Variants in FRAS1 observed in about 807,000 individuals in gnomAD.
The protein encoded by FRAS1 is Fraser extracellular matrix complex subunit 1.
In FRAS1, 290 loss-of-function variants were observed where a neutral mutation model predicts 435.2. The observed-to-expected ratio is 0.67, with a 90% CI of 0.61 to 0.73. The LOEUF (loss-of-function observed/expected upper bound fraction) is 0.73, where lower values mean the gene tolerates loss of function less well. FRAS1 is among the 30% of genes least tolerant of loss of function. The pLI is 0.00. For missense variants in FRAS1, 4,860 were observed against 5,001.5 expected, an observed-to-expected ratio of 0.97 and a Z score of 0.85; for synonymous variants, 1,800 against 1,851.0, an observed-to-expected ratio of 0.97 and a Z score of 0.71.
chr4:78,399,435 G>A (rs1044431726), intron 29 of FRAS1, among the ~76,000 whole-genome samples: 1 of 152,164 alleles, frequency 6.6e-6, no homozygotes, highest in African/African-American at 2.4e-5. Flanking sequence ...TAAAATATCA[G>A]ACTTGTTAAT....
At chr4:78,338,755 T>C (rs1730278268) in intron 20 of FRAS1, among the ~76,000 whole-genome samples, 1 of 152,134 alleles carries the variant, frequency 6.6e-6, no homozygotes, top group South Asian at 2.1e-4. Flanking sequence ...GCACATTCAG[T>C]CTGGGATGGC....
intron 2 of FRAS1, among the ~76,000 whole-genome samples, chr4:78,112,715 T>C (rs899159829): frequency 1.3e-5 from 2 of 152,092 alleles, no homozygotes; most frequent in Non-Finnish European, 2.9e-5. Flanking sequence ...CATAGATATA[T>C]TTTTCTTTTA....
At chr4:78,186,720 G>T (rs1722285752) in intron 2 of FRAS1, among the ~76,000 whole-genome samples, 1 of 152,094 alleles carries the variant, frequency 6.6e-6, no homozygotes, top group African/African-American at 2.4e-5. Context: ...ATTTTCTAGT[G>T]GCAACTAAAT....
intron 20 of FRAS1, 39 bp from the exon 21 acceptor site, chr4:78,363,473 GA>G (rs1327304130): frequency 6.4e-7 from 1 of 1,571,764 alleles, no homozygotes; most frequent in Non-Finnish European, 8.6e-7. Context: ...TTGTGCTCAT[GA>G]GCACCCGTGC....
intron 2 of FRAS1, among the ~76,000 whole-genome samples, chr4:78,069,422 T>C (rs1259431383): frequency 2.0e-5 from 3 of 152,190 alleles, no homozygotes; most frequent in African/African-American, 7.2e-5. Context: ...CTCTCACTGA[T>C]TCCTTTCAAT....
At chr4:78,119,052 A>T (rs1718856507) in intron 2 of FRAS1, among the ~76,000 whole-genome samples, 1 of 151,796 alleles carries the variant, frequency 6.6e-6, no homozygotes, top group African/African-American at 2.4e-5. Flanking sequence ...ACATTATCTT[A>T]TCATGTTCTT....
chr4:78,481,263 A>G (rs1720001964), intron 56 of FRAS1, among the ~76,000 whole-genome samples: 1 of 152,258 alleles, frequency 6.6e-6, no homozygotes, highest in South Asian at 2.1e-4. Context: ...TAAGATGAGT[A>G]ATAAGCACAT....
intron 20 of FRAS1, among the ~76,000 whole-genome samples, chr4:78,338,344 A>G (rs1376529320): frequency 6.6e-6 from 1 of 152,116 alleles, no homozygotes; most frequent in African/African-American, 2.4e-5. Context: ...AATTTGAATA[A>G]TGTTGGAACC....
intron 67 of FRAS1, among the ~76,000 whole-genome samples, chr4:78,519,945 T>A (rs1167499585): frequency 6.6e-6 from 1 of 152,218 alleles, no homozygotes; most frequent in Non-Finnish European, 1.5e-5. Flanking sequence ...GAGTCTGCTC[T>A]TTAATTGCAT....
intron 14 of FRAS1, among the ~76,000 whole-genome samples, chr4:78,302,621 T>C (rs1474204362): frequency 1.3e-5 from 2 of 152,140 alleles, no homozygotes; most frequent in African/African-American, 2.4e-5. Flanking sequence ...ATGAGCATTT[T>C]TTCATGTGTC....
chr4:78,382,917 T>C (rs1261889927), intron 27 of FRAS1, among the ~76,000 whole-genome samples: 1 of 152,240 alleles, frequency 6.6e-6, no homozygotes, highest in Admixed American at 6.5e-5. Context: ...CTTTTGTTTC[T>C]GTCTTTTGCC....
chr4:78,363,682 C>T lies in FRAS1; in HGVS notation c.2575+17C>T. The stretch of plus-strand genomic sequence containing the variant: ...CTTGTAAAAGTGAGTAAGTGCTGGA[C>T]TCAGGAGCTGGAGCTGCCACCTGAG... On this transcript the variant is annotated intron_variant, in intron 21 of 73. Coordinates refer to ENST00000512123, the MANE Select transcript of FRAS1 (RefSeq NM_025074.7). The T allele has an allele frequency of 1.3e-6, 2 of 1,569,202 alleles. No homozygotes were observed. The highest frequency in any genetic ancestry group is 2.4e-5 in the East Asian group (1 of 42,322).
At chr4:78,211,163 G>A (rs1453197114) in intron 2 of FRAS1, among the ~76,000 whole-genome samples, 1 of 152,188 alleles carries the variant, frequency 6.6e-6, no homozygotes, top group African/African-American at 2.4e-5. Flanking sequence ...TATTTCAGAA[G>A]GGAGTGGGTT....
chr4:78,441,121 G>C, intron 40 of FRAS1, 41 bp from the exon 41 acceptor site: 8 of 1,606,216 alleles, frequency 5.0e-6, no homozygotes, highest in Non-Finnish European at 6.8e-6. Flanking sequence ...CTGTGGTTAT[G>C]TGAAATCACC....
chr4:78,280,170 A>T (rs920840902), intron 10 of FRAS1, among the ~76,000 whole-genome samples: 1 of 152,214 alleles, frequency 6.6e-6, no homozygotes, highest in Non-Finnish European at 1.5e-5. Flanking sequence ...TAAAGGAAGT[A>T]CTTTGCAGCT....
At chr4:78,140,770 C>CATGTGTATATGTATATAT (rs1720144794) in intron 2 of FRAS1, among the ~76,000 whole-genome samples, 7 of 126,290 alleles carry the variant, frequency 5.5e-5, no homozygotes, top group African/African-American at 2.2e-4. Flanking sequence ...TATGTATATA[C>CATGTGTATATGTATATAT]GTGTGTGTAT....
At chr4:78,067,672 T>TTTTTTATTATTATTA (rs1553915724) in intron 2 of FRAS1, among the ~76,000 whole-genome samples, 7 of 125,750 alleles carry the variant, frequency 5.6e-5, no homozygotes, top group Admixed American at 8.3e-5. Flanking sequence ...TTTTCTTTCT[T>TTTTTTATTATTATTA]TTATTATTAT....
chr4:78,230,725 A>G (rs1724481959), intron 2 of FRAS1, among the ~76,000 whole-genome samples: 1 of 152,202 alleles, frequency 6.6e-6, no homozygotes, highest in South Asian at 2.1e-4. Context: ...GCTGCTTTGA[A>G]GGGCAAGTAG....
chr4:78,316,785 C>T (rs1470521162), intron 16 of FRAS1, among the ~76,000 whole-genome samples: 1 of 152,200 alleles, frequency 6.6e-6, no homozygotes, highest in African/African-American at 2.4e-5. Context: ...CTTAAATGAT[C>T]ATTTAGTCCA....
Sources: gnomAD v4.1 joint callset for allele counts (sites outside exome capture counted in the v4.1 genomes callset) on GRCh38, gnomAD v4.1.1 for gene constraint, MANE v1.5 for transcripts, NCBI Gene and HGNC (gene_info 2026-07-23, HGNC 2026-07-21) for gene names.